RBMS2: variants seen among roughly 807,000 people sequenced by gnomAD.
The protein encoded by RBMS2 is RNA binding motif single stranded interacting protein 2, also known as RNA-binding motif, single-stranded-interacting protein 2.
In RBMS2, 38 loss-of-function variants were observed where a neutral mutation model predicts 58.4. The ratio of observed to expected loss-of-function variants is 0.65; its 90% CI spans 0.50 to 0.85. RBMS2 has a LOEUF of 0.85. Among genes scored for constraint, RBMS2 ranks in the 40% least tolerant of loss-of-function variants. The probability of loss-of-function intolerance (pLI) is 0.00; values close to 1 mark genes in which losing one functional copy is unlikely to be tolerated. For missense variants in RBMS2, 367 were observed against 503.7 expected, an observed-to-expected ratio of 0.73 and a Z score of 2.60; for synonymous variants, 151 against 180.7, an observed-to-expected ratio of 0.84 and a Z score of 1.32.
chr12:56,556,526 C>T (rs1879265983), intron 1 of RBMS2, among the ~76,000 whole-genome samples: 2 of 151,904 alleles, frequency 1.3e-5, no homozygotes, highest in South Asian at 4.2e-4. Flanking sequence ...TAAGCACGCA[C>T]CACCACACCC....
Position 56,588,971 on chromosome 12 carries a change from CCCT to C in RBMS2, c.1185_1187del (p.Ser396del). ...ACAGAACCAAGTGGCAGTGGACGCA[CCCT>C]CAGAGCATGGGGTCTATTCTTTCCA... is the stretch of plus-strand genomic sequence containing the variant. On this transcript the variant is annotated inframe_deletion, in exon 13 of 14. Transcript: ENST00000262031. The C allele has an allele frequency of 1.2e-6, 2 of 1,614,144 alleles. No individual in the cohort carries two copies. Among genetic ancestry groups the C allele is most frequent in the Non-Finnish European group, 1.7e-6 (2 of 1,180,032 alleles).
chr12:56,569,890 C>T lies in RBMS2; in HGVS notation c.293-9C>T, dbSNP rs1332337412. On this transcript the variant is annotated splice_polypyrimidine_tract_variant and intron_variant, in intron 3 of 13. Transcript: ENST00000262031. ...CCACTTCCTAGTGATGCTGTTTCCTCTGTTCCAGGCTATGGCTTTGTAGAT... is the reference window on the plus strand; with the variant it reads ...CCACTTCCTAGTGATGCTGTTTCCTTTGTTCCAGGCTATGGCTTTGTAGAT... 1 of 1,608,024 alleles carries T rather than the reference C, an allele frequency of 6.2e-7. No individual in the cohort carries two copies. Among genetic ancestry groups the T allele is most frequent in the Non-Finnish European group, 8.5e-7 (1 of 1,174,542 alleles).
At chr12:56,588,751 A>G in intron 12 of RBMS2, 181 bp from the exon 13 acceptor site, 1 of 646,988 alleles carries the variant, frequency 1.5e-6, no homozygotes, top group South Asian at 1.8e-5. Context: ...CGTCTTGGGA[A>G]GAGGACAGGC....
intron 4 of RBMS2, among the ~76,000 whole-genome samples, chr12:56,570,723 A>G (rs577678955): frequency 3.4e-4 from 52 of 152,192 alleles, no homozygotes; most frequent in Admixed American, 8.5e-4. Flanking sequence ...GACTACAGGC[A>G]CCCGCCATCA....
intron 5 of RBMS2, among the ~76,000 whole-genome samples, chr12:56,574,525 A>C (rs1882824371): frequency 4.6e-5 from 7 of 152,214 alleles, no homozygotes; most frequent in Admixed American, 3.9e-4. Flanking sequence ...AGTAGTGCAC[A>C]CATTCTCCAA....
At chr12:56,568,878 C>G in intron 2 of RBMS2, 97 bp from the exon 3 acceptor site, 1 of 1,051,852 alleles carries the variant, frequency 9.5e-7, no homozygotes, top group Non-Finnish European at 1.4e-6. Flanking sequence ...AAAGTTAGAT[C>G]ATGGAAAGGG....
In RBMS2 at chr12:56,589,474, C is replaced by A; in HGVS notation, c.*341C>A. 1 of 276,922 alleles carries A rather than the reference C, an allele frequency of 3.6e-6. No homozygotes were observed. Among genetic ancestry groups the A allele is most frequent in the Non-Finnish European group, 6.4e-6 (1 of 157,122 alleles). 17.2% of individuals were successfully genotyped at this position (276,922 alleles called of 1,614,324 possible). ...TGAAGAGACATGGTGGTCGCAGCTT[C>A]TCATCTATATGAAAAAGTTTTCGAT... On this transcript the variant is annotated 3_prime_UTR_variant, in exon 14 of 14. Transcript: ENST00000262031.
At chr12:56,533,362 A>G (rs952965515) in intron 1 of RBMS2, among the ~76,000 whole-genome samples, 2 of 147,956 alleles carry the variant, frequency 1.4e-5, no homozygotes, top group Non-Finnish European at 3.0e-5. Flanking sequence ...TTGGCCTCCC[A>G]AAGTGCTGGG....
intron 1 of RBMS2, among the ~76,000 whole-genome samples, chr12:56,559,551 G>T (rs1294465452): frequency 1.3e-5 from 2 of 150,022 alleles, no homozygotes; most frequent in Non-Finnish European, 3.0e-5. Flanking sequence ...CAGGAACTGT[G>T]ATTAAGAATT....
intron 1 of RBMS2, among the ~76,000 whole-genome samples, chr12:56,559,163 A>G (rs1879875669): frequency 6.6e-6 from 1 of 151,818 alleles, no homozygotes; most frequent in African/African-American, 2.4e-5. Flanking sequence ...AATAATAGCA[A>G]CTCCTTAGAG....
At chr12:56,585,970 C>G (rs561723199) in intron 9 of RBMS2, among the ~76,000 whole-genome samples, 3 of 152,240 alleles carry the variant, frequency 2.0e-5, no homozygotes, top group South Asian at 4.1e-4. Context: ...ATCACTTGAG[C>G]TGAGGAGTTC....
chr12:56,557,996 C>T (rs1342528555), intron 1 of RBMS2, among the ~76,000 whole-genome samples: 2 of 148,058 alleles, frequency 1.4e-5, no homozygotes, highest in African/African-American at 2.5e-5. Context: ...GCCTCAGCCT[C>T]CCAAAGTACT....
chr12:56,540,418 G>T (rs1875864651), intron 1 of RBMS2, among the ~76,000 whole-genome samples: 1 of 152,044 alleles, frequency 6.6e-6, no homozygotes, highest in Admixed American at 6.6e-5. Context: ...TTCTGTCCCA[G>T]GCTGGAGTGG....
intron 9 of RBMS2, 57 bp from the exon 10 acceptor site, chr12:56,586,792 C>G: frequency 7.0e-7 from 1 of 1,422,984 alleles, no homozygotes; most frequent in Non-Finnish European, 9.9e-7. Flanking sequence ...ATTATTAGAT[C>G]TGTGGGCTGA....
At chr12:56,542,532 T>C (rs1316071002) in intron 1 of RBMS2, among the ~76,000 whole-genome samples, 1 of 1,594 alleles carries the variant, frequency 6.3e-4, no homozygotes, top group Non-Finnish European at 5.9e-3. Context: ...TGTGTTTCCT[T>C]TTTTTTTTTT....
chr12:56,523,469 C>G (rs185807925), intron 1 of RBMS2, among the ~76,000 whole-genome samples: 3 of 152,240 alleles, frequency 2.0e-5, no homozygotes, highest in Non-Finnish European at 4.4e-5. Flanking sequence ...TAAATATACA[C>G]AATAAAATTT....
chr12:56,551,542 G>A (rs1878271812), intron 1 of RBMS2, among the ~76,000 whole-genome samples: 1 of 152,116 alleles, frequency 6.6e-6, no homozygotes, highest in African/African-American at 2.4e-5. Flanking sequence ...ACATTAATGG[G>A]TTTATATAGA....
chr12:56,578,386 C>T (rs1271010426), intron 5 of RBMS2, among the ~76,000 whole-genome samples: 1 of 152,060 alleles, frequency 6.6e-6, no homozygotes, highest in Non-Finnish European at 1.5e-5. Flanking sequence ...AACTCGGTTT[C>T]CCAAAGTGCT....
chr12:56,574,795 T>G (rs1378278500), intron 5 of RBMS2, among the ~76,000 whole-genome samples: 1 of 152,214 alleles, frequency 6.6e-6, no homozygotes, highest in African/African-American at 2.4e-5. Flanking sequence ...CGTTTAAAAA[T>G]GTATTCAAAT....
Sources: gnomAD v4.1 joint callset for allele counts (sites outside exome capture counted in the v4.1 genomes callset) on GRCh38, gnomAD v4.1.1 for gene constraint, MANE v1.5 for transcripts, NCBI Gene and HGNC (gene_info 2026-07-23, HGNC 2026-07-21) for gene names.